Variants in PEX5L observed in about 807,000 individuals in gnomAD.
PEX5L encodes PEX5-related protein.
In PEX5L, 30 loss-of-function variants were observed where a neutral mutation model predicts 84.0. That is an observed-to-expected ratio of 0.36 (90% CI 0.27 to 0.48). The LOEUF is 0.48. Ranked by LOEUF, PEX5L falls within the 20% of genes least tolerant of loss-of-function variation. PEX5L has a pLI of 0.99. For synonymous variants in PEX5L, 270 were observed against 283.1 expected, an observed-to-expected ratio of 0.95 and a Z score of 0.46; for missense variants, 533 against 754.6, an observed-to-expected ratio of 0.71 and a Z score of 3.44.
rs117041459 is a variant in PEX5L at position 179,881,806 on chromosome 3, G to A, written c.311-1683C>T. Among the ~76,000 whole-genome samples the A allele has an allele frequency of 1.7e-4, 26 of 152,266 alleles. 1 individual carries two copies. The East Asian group carries it at 4.6e-3, about 27-fold the overall frequency. On this transcript the variant is annotated intron_variant, in intron 4 of 14. Transcript: ENST00000467460. ...TATGAAGTAAATTTATCATAAAGTG[G>A]CCTGAAAGTGTCAGCTTATCTCAAC... is the stretch of plus-strand genomic sequence containing the variant.
chr3:179,971,189 CTCTT>C (rs1033561539), intron 2 of PEX5L, among the ~76,000 whole-genome samples: 2 of 151,970 alleles, frequency 1.3e-5, no homozygotes, highest in African/African-American at 4.8e-5. Context: ...TCAGTTTTCT[CTCTT>C]TCTCTCTCTC....
In PEX5L at chr3:179,899,882, T is replaced by C. The variant is rs866944304; in HGVS notation, c.94-1636A>G. Among the ~76,000 whole-genome samples the C allele has an allele frequency of 7.2e-5, 11 of 152,166 alleles. 1 individual carries two copies. Among genetic ancestry groups the C allele is most frequent in the South Asian group, 2.1e-4 (1 of 4,834 alleles). On this transcript the variant is annotated intron_variant, in intron 2 of 14. Coordinates refer to ENST00000467460, the MANE Select transcript of PEX5L (RefSeq NM_016559.3). Reference sequence around the variant, plus strand: ...ATATGTATGTGTTTTGAAAAGTTTATATGGCCACAATTCATAGAATAACTG... The same window carrying C: ...ATATGTATGTGTTTTGAAAAGTTTACATGGCCACAATTCATAGAATAACTG...
intron 2 of PEX5L, among the ~76,000 whole-genome samples, chr3:179,934,503 G>A (rs1440557193): frequency 6.6e-6 from 1 of 152,124 alleles, no homozygotes; most frequent in Non-Finnish European, 1.5e-5. Flanking sequence ...CTTATTTTGT[G>A]GGTGAGGTCT....
At chr3:179,944,324 A>T (rs1198703448) in intron 2 of PEX5L, among the ~76,000 whole-genome samples, 1 of 152,216 alleles carries the variant, frequency 6.6e-6, no homozygotes, top group Admixed American at 6.5e-5. Context: ...AACAAAAATC[A>T]ATAGACACTA....
intron 4 of PEX5L, among the ~76,000 whole-genome samples, chr3:179,885,984 T>C (rs527431924): frequency 1.3e-5 from 2 of 152,336 alleles, no homozygotes; most frequent in Non-Finnish European, 2.9e-5. Flanking sequence ...TGCAAGAAAT[T>C]ACACATTCTT....
rs1745073920 is a variant in PEX5L, at chr3:179,859,095, T to C, written c.789A>G (p.Glu263=). The change falls in exon 8 of 15, where the codon GAA becomes GAG. Residue 263 remains glutamate (E), a synonymous_variant. Transcript: ENST00000467460. The part of the protein sequence containing the change: ...SALLSRNHSL[E]EEFERAKAAV... Reference sequence around the variant, plus strand: ...CTGCTTTTGCCCTTTCAAACTCTTCTTCTAAGGAGTGGTTTCTAGAAAGTA... The same window carrying C: ...CTGCTTTTGCCCTTTCAAACTCTTCCTCTAAGGAGTGGTTTCTAGAAAGTA... 6.2e-7 allele frequency: 1 copy of C among 1,613,932 alleles called. No homozygotes were observed. The highest frequency in any genetic ancestry group is 1.3e-5 in the African/African-American group (1 of 74,934).
intron 7 of PEX5L, among the ~76,000 whole-genome samples, chr3:179,871,677 A>G (rs1038334749): frequency 2.0e-5 from 3 of 152,160 alleles, no homozygotes; most frequent in African/African-American, 4.8e-5. Context: ...ATCGTGTTCA[A>G]ATAAGGCAAA....
At chr3:179,986,397 ATTTT>A (rs11344304) in intron 1 of PEX5L, among the ~76,000 whole-genome samples, 17,694 of 110,702 alleles carry the variant, frequency 0.16, 1,120 homozygotes, top group Admixed American at 0.23. Context: ...CCATTTAGTA[ATTTT>A]TTTTTTTTTT....
chr3:179,828,663 A>ATG (rs111516926), intron 8 of PEX5L, among the ~76,000 whole-genome samples: 8,173 of 146,368 alleles, frequency 0.056, 396 homozygotes, highest in African/African-American at 0.13. Flanking sequence ...AACTATGTGT[A>ATG]TGTGTGTGTG....
intron 1 of PEX5L, among the ~76,000 whole-genome samples, chr3:179,990,651 C>T (rs1253336685): frequency 2.6e-5 from 4 of 152,158 alleles, no homozygotes; most frequent in African/African-American, 7.2e-5. Flanking sequence ...GATCCTCCCA[C>T]CCCTGCCTCC....
In PEX5L at chr3:179,815,992, G is replaced by A. The variant is rs771230299; in HGVS notation, c.952C>T (p.His318Tyr). Reference protein sequence around the residue: ...ISASEKGYYFHTENPFKDWPG... With the variant: ...ISASEKGYYFYTENPFKDWPG... ...CAGTCCTTGAAGGGGTTTTCAGTGT[G>A]AAAGTAATATCCCTGCAACACAGAA... Residue 318 changes from histidine (H) to tyrosine (Y), a missense_variant, in exon 10 of 15, where the codon CAC becomes TAC. By Grantham distance (83) the His-to-Tyr change is moderately conservative. Transcript: ENST00000467460. 6.2e-7 allele frequency: 1 copy of A among 1,614,112 alleles called. No individual in the cohort carries two copies. The highest frequency in any genetic ancestry group is 8.5e-7 in the Non-Finnish European group (1 of 1,179,984).
intron 2 of PEX5L, among the ~76,000 whole-genome samples, chr3:179,914,357 G>C (rs1766254230): frequency 6.6e-6 from 1 of 152,192 alleles, no homozygotes; most frequent in Non-Finnish European, 1.5e-5. Flanking sequence ...AGAGGTCCAA[G>C]TTACTGTGCT....
At position 179,887,502 on chromosome 3, in the gene PEX5L, T is replaced by C. The variant is rs535289139; in HGVS notation, c.310+171A>G. 2.6e-5 allele frequency among the ~76,000 whole-genome samples: 4 copies of C among 152,362 alleles called. No individual in the cohort carries two copies. The South Asian group carries it at 8.3e-4, about 32-fold the overall frequency. Reference sequence around the variant, plus strand: ...GTTCTGCAAAATTGGTTGGGTAATATACATTGCAATTTCTGTGATTTATTG... The same window carrying C: ...GTTCTGCAAAATTGGTTGGGTAATACACATTGCAATTTCTGTGATTTATTG... On this transcript the variant is annotated intron_variant, in intron 4 of 14. Coordinates refer to ENST00000467460, the MANE Select transcript of PEX5L (RefSeq NM_016559.3).
intron 1 of PEX5L, among the ~76,000 whole-genome samples, chr3:179,979,333 C>T (rs938183241): frequency 1.3e-5 from 2 of 152,066 alleles, no homozygotes; most frequent in African/African-American, 4.8e-5. Flanking sequence ...GTCTCCTTCC[C>T]TATAGACTTG....
chr3:179,822,392 G>A (rs2108986578), intron 8 of PEX5L, among the ~76,000 whole-genome samples: 1 of 152,322 alleles, frequency 6.6e-6, no homozygotes, highest in Admixed American at 6.5e-5. Flanking sequence ...GGAAAACTGA[G>A]AGAACCTCAG....
At chr3:179,892,601 T>A (rs984117402) in intron 3 of PEX5L, among the ~76,000 whole-genome samples, 1 of 152,134 alleles carries the variant, frequency 6.6e-6, no homozygotes, top group Non-Finnish European at 1.5e-5. Flanking sequence ...CTGGATTTGA[T>A]CAATTCACAG....
chr3:179,925,481 G>C (rs920483594), intron 2 of PEX5L, among the ~76,000 whole-genome samples: 1 of 152,052 alleles, frequency 6.6e-6, no homozygotes, highest in African/African-American at 2.4e-5. Context: ...TGCATACTTT[G>C]CCTTTATTAC....
intron 1 of PEX5L, among the ~76,000 whole-genome samples, chr3:180,014,814 C>T (rs914258341): frequency 1.4e-5 from 2 of 146,496 alleles, no homozygotes; most frequent in African/African-American, 2.6e-5. Flanking sequence ...CAAACGAACC[C>T]CGAAATCTGA....
chr3:179,853,293 A>T (rs1252587980), intron 8 of PEX5L, among the ~76,000 whole-genome samples: 1 of 152,216 alleles, frequency 6.6e-6, no homozygotes, highest in Non-Finnish European at 1.5e-5. Flanking sequence ...TGCTAAATCC[A>T]ATGTATTCTA....
Sources: gnomAD v4.1 joint callset for allele counts (sites outside exome capture counted in the v4.1 genomes callset) on GRCh38, gnomAD v4.1.1 for gene constraint, MANE v1.5 for transcripts, NCBI Gene and HGNC (gene_info 2026-07-23, HGNC 2026-07-21) for gene names.